ADGRA3: variants seen among roughly 807,000 people sequenced by gnomAD.
ADGRA3 encodes G-protein coupled receptor 125.
A neutral mutation model predicts 119.8 loss-of-function variants in ADGRA3; 56 were observed. That is an observed-to-expected ratio of 0.47 (90% confidence interval 0.38 to 0.58). ADGRA3 has a LOEUF of 0.58. Ranked by LOEUF, ADGRA3 falls within the 20% of genes least tolerant of loss-of-function variation. The pLI, the probability that ADGRA3 is intolerant of heterozygous loss-of-function variation, is 0.00. For synonymous variants in ADGRA3, 607 were observed against 623.8 expected (o/e 0.97, Z 0.40); for missense variants, 1,516 against 1,649.0 (o/e 0.92, Z 1.40).
chr4:22,414,494 G>A lies in ADGRA3; in HGVS notation c.1810-680C>T, dbSNP rs183714603. ...CAGTAAAAAATATATATATACCAAA[G>A]AAGTGAACAATTAACCATCTAAAAA... On this transcript the variant is annotated intron_variant, in intron 12 of 18. Transcript: ENST00000334304. 777 of 589,374 alleles carry A rather than the reference G, an allele frequency of 1.3e-3. 3 individuals are homozygous for A. The highest frequency in any genetic ancestry group is 1.6e-3 in the Non-Finnish European group (536 of 336,372). The allele number at this position is 589,374 out of a possible 1,614,324, so 36.5% of individuals were successfully genotyped here. A position where few individuals can be genotyped will look rare whatever the true frequency, so the allele number is the denominator to read the frequency against.
intron 10 of ADGRA3, among the ~76,000 whole-genome samples, chr4:22,427,654 A>G (rs1179197327): frequency 6.6e-6 from 1 of 152,226 alleles, no homozygotes; most frequent in Non-Finnish European, 1.5e-5. Context: ...TGGTTACAGA[A>G]GTAGCTCTGA....
chr4:22,419,085 A>G (rs1715545130), intron 12 of ADGRA3, among the ~76,000 whole-genome samples: 1 of 152,126 alleles, frequency 6.6e-6, no homozygotes, highest in African/African-American at 2.4e-5. Flanking sequence ...AGGGAAGGAC[A>G]GAGATTCTGA....
chr4:22,449,000 T>C (rs1716927745), intron 4 of ADGRA3, among the ~76,000 whole-genome samples: 2 of 152,200 alleles, frequency 1.3e-5, no homozygotes, highest in South Asian at 2.1e-4. Context: ...CCGGGTGCAG[T>C]GGCTCACGCC....
intron 1 of ADGRA3, among the ~76,000 whole-genome samples, chr4:22,486,395 G>A (rs1328025742): frequency 5.3e-5 from 8 of 152,020 alleles, no homozygotes; most frequent in Non-Finnish European, 1.0e-4. Context: ...TCTTTTCCCC[G>A]TCGTCCAGGG....
Position 22,420,913 on chromosome 4 carries a change from T to G in ADGRA3, c.1782A>C (p.Ser594=). 2 of 1,614,114 alleles carry G rather than the reference T, an allele frequency of 1.2e-6. No individual in the cohort carries two copies. Among genetic ancestry groups the G allele is most frequent in the Middle Eastern group, 1.6e-4 (1 of 6,062 alleles). The change falls in exon 12 of 19, where the codon TCA becomes TCC. Residue 594 remains serine, a synonymous_variant. Transcript: ENST00000334304. ...DKQLSFKCNV[S]NTFSSLALKN... is the part of the protein sequence containing the mutation. ...TTAGTGCCAGACTCGAAAATGTATT[T>G]GAAACATTGCACTTAAAGCTCAGCT...
chr4:22,503,638 A>AACGAAGTC (rs1371754137), intron 1 of ADGRA3, among the ~76,000 whole-genome samples: 1 of 3,258 alleles, frequency 3.1e-4, no homozygotes, highest in African/African-American at 4.4e-4. Flanking sequence ...TACATGAGGA[A>AACGAAGTC]ACTGACACCT....
chr4:22,434,798 G>A (rs1451812508), intron 10 of ADGRA3, among the ~76,000 whole-genome samples: 4 of 152,048 alleles, frequency 2.6e-5, no homozygotes, highest in South Asian at 2.1e-4. Context: ...GTTAAAATAC[G>A]CCACTTTTAG....
rs148897437 is a variant in ADGRA3, at chr4:22,403,711, C to T, written c.2233-912G>A. Among the ~76,000 whole-genome samples, 89 of 152,152 alleles carry T rather than the reference C, an allele frequency of 5.8e-4. 1 individual carries two copies. The highest frequency in any genetic ancestry group is 1.9e-3 in the African/African-American group (77 of 41,496). On this transcript the variant is annotated intron_variant, in intron 14 of 18. Coordinates refer to ENST00000334304, the MANE Select transcript of ADGRA3 (RefSeq NM_145290.4). ...TAGCTAAGATAGCACCACTGCACTCCAGCCTGGGCCACATAGTGAGAACCT... is the reference window on the plus strand; with the variant it reads ...TAGCTAAGATAGCACCACTGCACTCTAGCCTGGGCCACATAGTGAGAACCT...
chr4:22,402,652 T>C, intron 15 of ADGRA3, 23 bp downstream of exon 15: 2 of 1,604,620 alleles, frequency 1.2e-6, no homozygotes, highest in Non-Finnish European at 1.7e-6. Flanking sequence ...CGCAGATCTA[T>C]TTTGTCGAGA....
intron 3 of ADGRA3, 60 bp downstream of exon 3, chr4:22,461,677 T>C: frequency 2.6e-6 from 3 of 1,139,072 alleles, no homozygotes; most frequent in South Asian, 2.7e-5. Context: ...TTAAAGTAAG[T>C]TGACAGCTAT....
intron 10 of ADGRA3, among the ~76,000 whole-genome samples, chr4:22,429,405 A>C (rs991800740): frequency 1.3e-5 from 2 of 152,204 alleles, no homozygotes; most frequent in African/African-American, 4.8e-5. Context: ...CCAGTCACCA[A>C]AGAACAGCAG....
chr4:22,455,535 A>T (rs1717207533), intron 3 of ADGRA3, among the ~76,000 whole-genome samples: 1 of 152,154 alleles, frequency 6.6e-6, no homozygotes, highest in South Asian at 2.1e-4. Context: ...AATATCTATG[A>T]TATGGCCCAA....
At position 22,484,698 on chromosome 4, in the gene ADGRA3, G is replaced by A. The variant is rs569449193; in HGVS notation, c.258-10855C>T. ...GTGATTCAGCATGAGAAGGCTGGGG[G>A]TGACAGAGGTGCTAAGGAAGTGGCA... On this transcript the variant is annotated intron_variant, in intron 1 of 18. Transcript: ENST00000334304. Among the ~76,000 whole-genome samples the A allele has an allele frequency of 8.6e-4, 131 of 152,184 alleles. 1 individual carries two copies. Among genetic ancestry groups the A allele is most frequent in the African/African-American group, 3.0e-3 (125 of 41,516 alleles).
At chr4:22,505,259 A>G (rs1022843483) in intron 1 of ADGRA3, among the ~76,000 whole-genome samples, 1 of 152,198 alleles carries the variant, frequency 6.6e-6, no homozygotes, top group Non-Finnish European at 1.5e-5. Context: ...AAAAAAAGCA[A>G]TGATGGTCAC....
intron 16 of ADGRA3, 60 bp from the exon 17 acceptor site, chr4:22,392,750 C>A: frequency 6.8e-7 from 1 of 1,478,890 alleles, no homozygotes; most frequent in East Asian, 2.3e-5. Flanking sequence ...AGGCTTACCT[C>A]AAAATTGGTA....
chr4:22,451,554 C>G (rs1484407481), intron 4 of ADGRA3, among the ~76,000 whole-genome samples: 1 of 151,988 alleles, frequency 6.6e-6, no homozygotes, highest in Non-Finnish European at 1.5e-5. Context: ...TTTACACCCC[C>G]ACTCCACCCA....
At chr4:22,416,519 T>C (rs1340925388) in intron 12 of ADGRA3, among the ~76,000 whole-genome samples, 3 of 152,140 alleles carry the variant, frequency 2.0e-5, no homozygotes, top group Non-Finnish European at 2.9e-5. Context: ...GCTAATCATC[T>C]TTGTAACAAA....
chr4:22,510,411 G>A (rs965911023), intron 1 of ADGRA3, among the ~76,000 whole-genome samples: 1 of 152,028 alleles, frequency 6.6e-6, no homozygotes. Flanking sequence ...ACTTCTCTTA[G>A]CTTCCAGGAT....
intron 1 of ADGRA3, among the ~76,000 whole-genome samples, chr4:22,483,898 G>C (rs1031493245): frequency 6.6e-6 from 1 of 152,144 alleles, no homozygotes; most frequent in Non-Finnish European, 1.5e-5. Flanking sequence ...ATGTGTCATA[G>C]AGAACTATCA....
Sources: allele counts gnomAD v4.1 joint callset (sites outside exome capture counted in the v4.1 genomes callset), GRCh38; gene constraint gnomAD v4.1.1; transcripts MANE v1.5; gene names NCBI Gene and HGNC (gene_info 2026-07-23, HGNC 2026-07-21).